Variants in CDC25A observed in about 807,000 individuals in gnomAD.
The protein encoded by CDC25A is M-phase inducer phosphatase 1.
Under a neutral mutation model 64.6 loss-of-function variants are expected in CDC25A, and 17 were observed. That is an observed-to-expected ratio of 0.26 (90% CI 0.18 to 0.39). The LOEUF (loss-of-function observed/expected upper bound fraction) is 0.39, where lower values mean the gene tolerates loss of function less well. Ranked by LOEUF, CDC25A falls within the 10% of genes least tolerant of loss-of-function variation. CDC25A has a pLI of 1.00. For synonymous variants in CDC25A, 229 were observed against 238.6 expected, an observed-to-expected ratio of 0.96 and a Z score of 0.37; for missense variants, 473 against 654.8, an observed-to-expected ratio of 0.72 and a Z score of 3.03.
At chr3:48,174,259 G>T in intron 9 of CDC25A, 25 bp downstream of exon 9, 1 of 1,589,490 alleles carries the variant, frequency 6.3e-7, no homozygotes, top group Non-Finnish European at 8.5e-7. Flanking sequence ...CTGTGCTAGA[G>T]CAAAAAGGAA....
intron 13 of CDC25A, among the ~76,000 whole-genome samples, 162 bp downstream of exon 13, chr3:48,164,145 A>G (rs549902348): frequency 1.3e-5 from 2 of 152,352 alleles, no homozygotes; most frequent in Admixed American, 1.3e-4. Flanking sequence ...TGGAAGAGCC[A>G]AAGTTCACCT....
intron 6 of CDC25A, among the ~76,000 whole-genome samples, chr3:48,179,536 A>AT (rs2032585518): frequency 6.6e-6 from 1 of 151,950 alleles, no homozygotes. Flanking sequence ...CACTCAGCTT[A>AT]TTTTTTAACT....
At chr3:48,160,419 T>C (rs2031704949) in intron 13 of CDC25A, among the ~76,000 whole-genome samples, 1 of 150,878 alleles carries the variant, frequency 6.6e-6, no homozygotes, top group Non-Finnish European at 1.5e-5. Flanking sequence ...ACCTTTTTTT[T>C]TTTTTTTTTG....
intron 2 of CDC25A, among the ~76,000 whole-genome samples, chr3:48,185,357 A>T (rs1415031544): frequency 1.3e-5 from 2 of 149,548 alleles, no homozygotes; most frequent in African/African-American, 4.9e-5. Flanking sequence ...TTGAAGCTAC[A>T]GTGAACCCTG....
chr3:48,163,014 G>A (rs1236929765), intron 13 of CDC25A, among the ~76,000 whole-genome samples: 5 of 152,094 alleles, frequency 3.3e-5, no homozygotes, highest in Non-Finnish European at 7.4e-5. Context: ...GGGCGTGGTG[G>A]CTCACACCTG....
intron 6 of CDC25A, among the ~76,000 whole-genome samples, chr3:48,179,319 C>CA (rs935640593): frequency 4.6e-5 from 7 of 152,180 alleles, no homozygotes; most frequent in African/African-American, 1.7e-4. Flanking sequence ...GCTAAGCACA[C>CA]ACCAAATATA....
At chr3:48,186,205 C>T (rs2032837031) in intron 2 of CDC25A, among the ~76,000 whole-genome samples, 1 of 152,216 alleles carries the variant, frequency 6.6e-6, no homozygotes, top group Non-Finnish European at 1.5e-5. Context: ...CACACACCAC[C>T]TCCTTATAGA....
At chr3:48,181,521 T>A (rs1270296457) in intron 5 of CDC25A, 1 of 1,186,440 alleles carries the variant, frequency 8.4e-7, no homozygotes. Context: ...GGTCTCGGGG[T>A]CGCGGTCGGC....
intron 9 of CDC25A, 92 bp downstream of exon 9, chr3:48,174,192 G>C (rs917610993): frequency 8.3e-7 from 1 of 1,204,996 alleles, no homozygotes; most frequent in Non-Finnish European, 1.2e-6. Context: ...GCAAATCTTA[G>C]CAAAGAAAAT....
intron 3 of CDC25A, 36 bp downstream of exon 3, chr3:48,184,617 T>C (rs1270378882): frequency 2.0e-6 from 3 of 1,478,018 alleles, no homozygotes; most frequent in Non-Finnish European, 2.8e-6. Flanking sequence ...ACACGTTTTT[T>C]CTACATATAA....
At chr3:48,175,809 C>T (rs893738013) in intron 8 of CDC25A, among the ~76,000 whole-genome samples, 2 of 152,190 alleles carry the variant, frequency 1.3e-5, no homozygotes, top group Non-Finnish European at 2.9e-5. Context: ...AACATTTGTA[C>T]TGCGTTAACA....
At chr3:48,176,560 A>T (rs1022819835) in intron 8 of CDC25A, among the ~76,000 whole-genome samples, 5 of 133,866 alleles carry the variant, frequency 3.7e-5, no homozygotes, top group Admixed American at 7.5e-5. Flanking sequence ...TATATATATA[A>T]AATATATATT....
At position 48,187,851 on chromosome 3, in the gene CDC25A, C is replaced by G; in HGVS notation, c.97G>C (p.Ala33Pro). ...GGCGACAGTCCCCCGGCGGCTGAAG[C>G]GCCAAATAGCGCCTTCACGACGGGC... is the stretch of plus-strand genomic sequence containing the variant. ...SQPVVKALFGASAAGGLSPVT... is the reference protein window; with the variant it reads ...SQPVVKALFGPSAAGGLSPVT... Residue 33 changes from alanine to proline, a missense_variant, in exon 1 of 15, where the codon GCT becomes CCT. Ala to Pro is a conservative substitution (Grantham distance 27). Coordinates refer to ENST00000302506, the MANE Select transcript of CDC25A (RefSeq NM_001789.3). 1.3e-6 allele frequency: 2 copies of G among 1,548,922 alleles called. No individual in the cohort carries two copies. Among genetic ancestry groups the G allele is most frequent in the South Asian group, 2.4e-5 (2 of 83,994 alleles).
At position 48,166,321 on chromosome 3, in the gene CDC25A, A is replaced by G. The variant is rs149795065; in HGVS notation, c.1030-428T>C. Reference sequence around the variant, plus strand: ...ACAAACAAGCAAACAAACATTAGTTAGTACACACTAGTTACTCTTCTAGTT... The same window carrying G: ...ACAAACAAGCAAACAAACATTAGTTGGTACACACTAGTTACTCTTCTAGTT... On this transcript the variant is annotated intron_variant, in intron 10 of 14. Coordinates refer to ENST00000302506, the MANE Select transcript of CDC25A (RefSeq NM_001789.3). Among the ~76,000 whole-genome samples the G allele has an allele frequency of 1.1e-4, 16 of 152,280 alleles. 1 individual carries two copies. In the East Asian group the frequency reaches 2.9e-3, roughly 28 times the overall value.
chr3:48,178,529 G>A (rs748112300), intron 6 of CDC25A, among the ~76,000 whole-genome samples: 1 of 152,212 alleles, frequency 6.6e-6, no homozygotes, highest in Non-Finnish European at 1.5e-5. Context: ...CTGTGTGCCA[G>A]ATACTACGAT....
At chr3:48,186,821 T>C (rs764268543) in intron 1 of CDC25A, 42 bp from the exon 2 acceptor site, 1 of 1,339,622 alleles carries the variant, frequency 7.5e-7, no homozygotes, top group South Asian at 1.2e-5. Context: ...TTATAGGATA[T>C]AATTAAAAGG....
intron 9 of CDC25A, among the ~76,000 whole-genome samples, chr3:48,170,396 A>G (rs543368944): frequency 6.6e-6 from 1 of 152,246 alleles, no homozygotes; most frequent in South Asian, 2.1e-4. Flanking sequence ...TTTGGGTTTA[A>G]TTTGCTAGAA....
rs2106753616 is a variant in CDC25A, at chr3:48,181,455, A to T, written c.430-615T>A. The T allele has an allele frequency of 6.0e-6, 4 of 669,244 alleles. No individual in the cohort carries two copies. The South Asian group carries it at 6.9e-5, about 12-fold the overall frequency. 41.5% of individuals were successfully genotyped at this position (669,244 alleles called of 1,614,324 possible). The stretch of plus-strand genomic sequence containing the variant: ...TTCACTTAAGAACTCATAATTAAGT[A>T]TTAAAAGCAGTAATGGCTAGCACTG... On this transcript the variant is annotated intron_variant, in intron 5 of 14. Coordinates refer to ENST00000302506, the MANE Select transcript of CDC25A (RefSeq NM_001789.3).
chr3:48,188,052 C>G lies in CDC25A; in HGVS notation c.-105G>C. ...CTCGGCCGCGCGCCACCGGCGCCCG[C>G]GGGTCAAACACAAACACGACTCCGC... is the stretch of plus-strand genomic sequence containing the variant. On this transcript the variant is annotated 5_prime_UTR_variant, in exon 1 of 15. Coordinates refer to ENST00000302506, the MANE Select transcript of CDC25A (RefSeq NM_001789.3). 2.6e-5 allele frequency: 25 copies of G among 946,386 alleles called. No individual in the cohort carries two copies. The highest frequency in any genetic ancestry group is 9.2e-5 in the Admixed American group (2 of 21,728). 58.6% of individuals were successfully genotyped at this position (946,386 alleles called of 1,614,324 possible). A position where few individuals can be genotyped will look rare whatever the true frequency, so the allele number is the denominator to read the frequency against.
Sources: allele counts gnomAD v4.1 joint callset (sites outside exome capture counted in the v4.1 genomes callset), GRCh38; gene constraint gnomAD v4.1.1; transcripts MANE v1.5; gene names NCBI Gene and HGNC (gene_info 2026-07-23, HGNC 2026-07-21).